Variants in XPO1 observed in about 807,000 individuals in gnomAD.
XPO1 encodes exportin 1, also known as exportin-1.
In XPO1, 5 loss-of-function variants were observed where a neutral mutation model predicts 133.3. The observed-to-expected ratio is 0.04, with a 90% CI of 0.02 to 0.08. XPO1 has a LOEUF of 0.08. Ranked by LOEUF, XPO1 falls within the 10% of genes least tolerant of loss-of-function variation. XPO1 has a pLI of 1.00. For missense variants in XPO1, 506 were observed against 1,267.5 expected, an observed-to-expected ratio of 0.40 and a Z score of 9.12; for synonymous variants, 419 against 408.2, an observed-to-expected ratio of 1.03 and a Z score of -0.32.
intron 4 of XPO1, among the ~76,000 whole-genome samples, chr2:61,510,758 G>A (rs934531879): frequency 6.6e-6 from 1 of 151,882 alleles, no homozygotes; most frequent in African/African-American, 2.4e-5. Context: ...GCAACATAGC[G>A]AGACCCCATC....
At chr2:61,535,549 A>G (rs985283145) in intron 1 of XPO1, among the ~76,000 whole-genome samples, 4 of 152,256 alleles carry the variant, frequency 2.6e-5, no homozygotes, top group Non-Finnish European at 4.4e-5. Flanking sequence ...AAAAATGTCC[A>G]TAACAATAAT....
rs191955346 is a variant in XPO1 at position 61,495,653 on chromosome 2, A to G, written c.889-40T>C. On this transcript the variant is annotated intron_variant, in intron 10 of 24. Transcript: ENST00000401558. ...AGGGACGATCAGTTCGCATTTTATAAAACAACTAAAGACACTTAATATTTT... is the reference window on the plus strand; with the variant it reads ...AGGGACGATCAGTTCGCATTTTATAGAACAACTAAAGACACTTAATATTTT... The G allele has an allele frequency of 8.7e-3, 13,184 of 1,508,196 alleles. 55 individuals carry two copies. Among genetic ancestry groups the G allele is most frequent in the Non-Finnish European group, 0.01 (11,480 of 1,123,596 alleles). 93.4% of individuals were successfully genotyped at this position (1,508,196 alleles called of 1,614,324 possible). A position where few individuals can be genotyped will look rare whatever the true frequency, so the allele number is the denominator to read the frequency against.
intron 24 of XPO1, among the ~76,000 whole-genome samples, chr2:61,480,030 A>G (rs750864513): frequency 6.6e-6 from 1 of 151,810 alleles, no homozygotes; most frequent in Non-Finnish European, 1.5e-5. Context: ...AGACCTGGCT[A>G]ATTTTTGTAT....
In XPO1 at chr2:61,537,419, GGGCCCGCCGCGCCCCC is replaced by G. The variant is rs1558688964; in HGVS notation, c.-7+127_-7+142del. 4 of 149,118 alleles carry G rather than the reference GGGCCCGCCGCGCCCCC, an allele frequency of 2.7e-5. 1 individual carries two copies. Among genetic ancestry groups the G allele is most frequent in the South Asian group, 3.5e-4 (2 of 5,658 alleles). The allele number at this position is 149,118 out of a possible 1,614,324, so 9.2% of individuals were successfully genotyped here. On this transcript the variant is annotated intron_variant, in intron 1 of 24. Transcript: ENST00000401558. ...TCCATTCAATCGCAGGCTCCGCTGTGGGCCCGCCGCGCCCCCGGCCCGCCCGCCGCCTCCCGGGCTC... is the reference window on the plus strand; with the variant it reads ...TCCATTCAATCGCAGGCTCCGCTGTGGGCCCGCCCGCCGCCTCCCGGGCTC...
At chr2:61,526,654 A>C in intron 2 of XPO1, 133 bp from the exon 3 acceptor site, 5 of 628,580 alleles carry the variant, frequency 8.0e-6, no homozygotes, top group Non-Finnish European at 1.2e-5. Flanking sequence ...AGAAATACTC[A>C]AAAATTAGAC....
At position 61,483,096 on chromosome 2, in the gene XPO1, A is replaced by G. The variant is rs1295442252; in HGVS notation, c.2678-5T>C. On this transcript the variant is annotated splice_polypyrimidine_tract_variant and splice_region_variant and intron_variant, in intron 21 of 24. Transcript: ENST00000401558. Reference sequence around the variant, plus strand: ...GTGTAAAAAGTATCTGTAAGCCTAAAAGACATAGAATACCAATGGAAAGTT... The same window carrying G: ...GTGTAAAAAGTATCTGTAAGCCTAAGAGACATAGAATACCAATGGAAAGTT... 6.2e-7 allele frequency: 1 copy of G among 1,607,364 alleles called. No individual in the cohort carries two copies. The highest frequency in any genetic ancestry group is 1.1e-5 in the South Asian group (1 of 90,680).
At chr2:61,520,416 G>A (rs1558669605) in intron 4 of XPO1, among the ~76,000 whole-genome samples, 1 of 152,064 alleles carries the variant, frequency 6.6e-6, no homozygotes, top group Non-Finnish European at 1.5e-5. Context: ...GCAGGCCAAG[G>A]TGGGAGGATT....
At chr2:61,526,242 A>G (rs1698900279) in intron 3 of XPO1, 178 bp downstream of exon 3, 8 of 1,406,392 alleles carry the variant, frequency 5.7e-6, no homozygotes, top group South Asian at 4.9e-5. Flanking sequence ...AACTTCATTC[A>G]TAATTCTTAG....
intron 1 of XPO1, among the ~76,000 whole-genome samples, chr2:61,535,271 T>G (rs1699310785): frequency 6.6e-6 from 1 of 152,222 alleles, no homozygotes; most frequent in African/African-American, 2.4e-5. Flanking sequence ...TGCCTGAGAC[T>G]CTGAGGAACC....
intron 4 of XPO1, among the ~76,000 whole-genome samples, chr2:61,509,701 C>A (rs1232207667): frequency 1.3e-5 from 2 of 152,128 alleles, no homozygotes. Flanking sequence ...GAGCATAATG[C>A]AAATATTCCA....
chr2:61,483,765 T>C (rs967849074), intron 21 of XPO1, 172 bp downstream of exon 21: 9 of 676,622 alleles, frequency 1.3e-5, no homozygotes, highest in Non-Finnish European at 2.2e-5. Flanking sequence ...ATGGACTCAC[T>C]TGGAGTGGAG....
rs546570013 is a variant in XPO1 at position 61,478,693 on chromosome 2, A to G, written c.*127T>C. The G allele has an allele frequency of 3.1e-5, 29 of 922,132 alleles. No individual in the cohort carries two copies. The highest frequency in any genetic ancestry group is 1.7e-4 in the East Asian group (6 of 35,948). 57.1% of individuals were successfully genotyped at this position (922,132 alleles called of 1,614,324 possible). A position where few individuals can be genotyped will look rare whatever the true frequency, so the allele number is the denominator to read the frequency against. On this transcript the variant is annotated 3_prime_UTR_variant, in exon 25 of 25. Coordinates refer to ENST00000401558, the MANE Select transcript of XPO1 (RefSeq NM_003400.4). ...GAAAATTTCTTATACAAAAAAACAC[A>G]TAAGAAAAAGGGCCACTAGGTGACA... is the stretch of plus-strand genomic sequence containing the variant.
intron 4 of XPO1, among the ~76,000 whole-genome samples, chr2:61,517,471 G>A (rs1274834604): frequency 6.6e-6 from 1 of 152,186 alleles, no homozygotes; most frequent in Non-Finnish European, 1.5e-5. Flanking sequence ...TGTAGTCCTA[G>A]CTATTTTGGC....
chr2:61,520,909 A>G lies in XPO1; in HGVS notation c.301+1702T>C, dbSNP rs149323605. 5.7e-3 allele frequency among the ~76,000 whole-genome samples: 866 copies of G among 152,298 alleles called. 13 individuals are homozygous for G. Among genetic ancestry groups the G allele is most frequent in the Admixed American group, 7.5e-3 (115 of 15,288 alleles). On this transcript the variant is annotated intron_variant, in intron 4 of 24. Transcript: ENST00000401558. ...GGCCAAAATTAAATCTGGGGCTCAT[A>G]ACACATGAGTAAAACAATAGTAGTA... is the stretch of plus-strand genomic sequence containing the variant.
At position 61,492,513 on chromosome 2, in the gene XPO1, G is replaced by T. The variant is rs779346191; in HGVS notation, c.1567-32C>A. ...ATAAGACAAATTTGTATTATTTATTGTAACAACATAATACTTATTTAGCAA... is the reference window on the plus strand; with the variant it reads ...ATAAGACAAATTTGTATTATTTATTTTAACAACATAATACTTATTTAGCAA... On this transcript the variant is annotated intron_variant, in intron 14 of 24. Coordinates refer to ENST00000401558, the MANE Select transcript of XPO1 (RefSeq NM_003400.4). This position sits in a 1 kb window ranked among gnomAD's most constrained non-coding sequence, Gnocchi z 5.6. 2.3e-5 allele frequency: 37 copies of T among 1,589,938 alleles called. 2 individuals are homozygous for T. In the South Asian group the frequency reaches 3.1e-4, roughly 13 times the overall value.
intron 2 of XPO1, among the ~76,000 whole-genome samples, chr2:61,529,469 A>AAT (rs2104808520): frequency 6.6e-6 from 1 of 152,310 alleles, no homozygotes; most frequent in East Asian, 1.9e-4. Flanking sequence ...CAGCCTGGCC[A>AAT]ACATGGTGAA....
intron 1 of XPO1, among the ~76,000 whole-genome samples, chr2:61,534,835 C>T (rs1282581582): frequency 6.6e-6 from 1 of 151,912 alleles, no homozygotes; most frequent in African/African-American, 2.4e-5. Flanking sequence ...TTAGCTTCTA[C>T]ACTCAAACCA....
At chr2:61,514,713 CT>C (rs1166546321) in intron 4 of XPO1, among the ~76,000 whole-genome samples, 3 of 151,730 alleles carry the variant, frequency 2.0e-5, no homozygotes, top group Non-Finnish European at 4.4e-5. Context: ...GTGAAACATA[CT>C]TATACACTGC....
intron 4 of XPO1, among the ~76,000 whole-genome samples, chr2:61,521,725 C>A (rs1023713231): frequency 3.9e-5 from 6 of 152,066 alleles, no homozygotes; most frequent in Admixed American, 1.3e-4. Flanking sequence ...TTTCCATTCC[C>A]GAGTTAACCT....
Sources: gnomAD v4.1 joint callset for allele counts (sites outside exome capture counted in the v4.1 genomes callset) on GRCh38, gnomAD v4.1.1 for gene constraint, Gnocchi (gnomAD v3.1) non-coding constraint, MANE v1.5 for transcripts, NCBI Gene and HGNC (gene_info 2026-07-23, HGNC 2026-07-21) for gene names.